Variants in GALNT17 observed in about 807,000 individuals in gnomAD.
GALNT17 encodes UDP-GalNAc:polypeptide N-acetylgalactosaminyltransferase-like 3.
In GALNT17, 29 loss-of-function variants were observed where a neutral mutation model predicts 63.7. That is an observed-to-expected ratio of 0.46 (90% CI 0.34 to 0.62). The LOEUF (loss-of-function observed/expected upper bound fraction) is 0.62. Ranked by LOEUF, GALNT17 falls within the 20% of genes least tolerant of loss-of-function variation. The pLI, the probability that GALNT17 is intolerant of heterozygous loss-of-function variation, is 0.01. For missense variants in GALNT17, 603 were observed against 799.6 expected (o/e 0.75, Z 2.97); for synonymous variants, 305 against 318.3 (o/e 0.96, Z 0.45).
In GALNT17 at chr7:71,521,142, G is replaced by A. The variant is rs186130097; in HGVS notation, c.963-50143G>A. 5.8e-4 allele frequency among the ~76,000 whole-genome samples: 89 copies of A among 152,272 alleles called. No homozygotes were observed. In the Middle Eastern group the frequency reaches 0.014, roughly 23 times the overall value. Reference sequence around the variant, plus strand: ...GTGTGTGCACATGCACATATGTTTGGTATTGGATGCTGCAATTCCAGCTTG... The same window carrying A: ...GTGTGTGCACATGCACATATGTTTGATATTGGATGCTGCAATTCCAGCTTG... On this transcript the variant is annotated intron_variant, in intron 5 of 10. Coordinates refer to ENST00000333538, the MANE Select transcript of GALNT17 (RefSeq NM_022479.3).
chr7:71,170,197 T>A (rs937790848), intron 1 of GALNT17, among the ~76,000 whole-genome samples: 3 of 152,230 alleles, frequency 2.0e-5, no homozygotes, highest in Admixed American at 6.5e-5. Flanking sequence ...GTGTAATGAA[T>A]GAATGAATGA....
Position 71,556,207 on chromosome 7 carries a change from G to A in GALNT17, c.963-15078G>A, listed in dbSNP as rs182283838. 3.3e-5 allele frequency among the ~76,000 whole-genome samples: 5 copies of A among 152,250 alleles called. No homozygotes were observed. In the East Asian group the frequency reaches 7.7e-4, roughly 24 times the overall value. The stretch of plus-strand genomic sequence containing the variant: ...TCTTACCTGAATCTCATTTGGTTCC[G>A]AGAACAATTGCTGTCACCTGACTGT... On this transcript the variant is annotated intron_variant, in intron 5 of 10. Coordinates refer to ENST00000333538, the MANE Select transcript of GALNT17 (RefSeq NM_022479.3).
chr7:71,144,810 C>G (rs1412919204), intron 1 of GALNT17, among the ~76,000 whole-genome samples: 1 of 152,038 alleles, frequency 6.6e-6, no homozygotes, highest in Non-Finnish European at 1.5e-5. Flanking sequence ...TTCACTGCAA[C>G]CTCTGCCTCC....
At chr7:71,700,339 T>C (rs926979072) in intron 9 of GALNT17, among the ~76,000 whole-genome samples, 1 of 151,936 alleles carries the variant, frequency 6.6e-6, no homozygotes, top group Non-Finnish European at 1.5e-5. Flanking sequence ...CTTAACTACT[T>C]AACTTGTATG....
At chr7:71,390,931 G>T (rs1186232853) in intron 3 of GALNT17, among the ~76,000 whole-genome samples, 1 of 152,216 alleles carries the variant, frequency 6.6e-6, no homozygotes, top group African/African-American at 2.4e-5. Flanking sequence ...GAGTTAACTT[G>T]CTCCAAGTGC....
At chr7:71,184,543 T>C (rs904602259) in intron 1 of GALNT17, among the ~76,000 whole-genome samples, 8 of 152,186 alleles carry the variant, frequency 5.3e-5, no homozygotes, top group African/African-American at 1.7e-4. Flanking sequence ...CCTTATCCTC[T>C]TAAGATAGGC....
intron 1 of GALNT17, among the ~76,000 whole-genome samples, chr7:71,240,272 T>G (rs975735540): frequency 7.2e-5 from 11 of 152,238 alleles, no homozygotes; most frequent in African/African-American, 2.4e-4. Flanking sequence ...TTTTCGTTGT[T>G]TTTAATTTCA....
At chr7:71,580,052 TG>T (rs1209404034) in intron 6 of GALNT17, among the ~76,000 whole-genome samples, 4 of 149,600 alleles carry the variant, frequency 2.7e-5, no homozygotes, top group African/African-American at 1.0e-4. Flanking sequence ...ATAGAGATGA[TG>T]GATAGAATGA....
At chr7:71,322,780 C>G (rs1791640340) in intron 1 of GALNT17, among the ~76,000 whole-genome samples, 1 of 152,154 alleles carries the variant, frequency 6.6e-6, no homozygotes, top group South Asian at 2.1e-4. Context: ...CTCCCTCTCT[C>G]TGTCATGTGA....
chr7:71,478,386 T>C (rs1229300248), intron 5 of GALNT17, among the ~76,000 whole-genome samples: 1 of 152,062 alleles, frequency 6.6e-6, no homozygotes, highest in Non-Finnish European at 1.5e-5. Flanking sequence ...TGATCATGGC[T>C]CACTGCAGCC....
intron 3 of GALNT17, among the ~76,000 whole-genome samples, chr7:71,391,786 C>T (rs1239410174): frequency 6.6e-6 from 1 of 152,156 alleles, no homozygotes; most frequent in Non-Finnish European, 1.5e-5. Flanking sequence ...CATGCCTGGC[C>T]TTGGGTGATT....
At chr7:71,699,751 TAGTG>T (rs1791602373) in intron 9 of GALNT17, among the ~76,000 whole-genome samples, 1 of 150,818 alleles carries the variant, frequency 6.6e-6, no homozygotes, top group Non-Finnish European at 1.5e-5. Context: ...CTGGGCAAAA[TAGTG>T]AGACCCTGTC....
intron 6 of GALNT17, among the ~76,000 whole-genome samples, chr7:71,644,361 C>G (rs1372290069): frequency 6.6e-6 from 1 of 151,140 alleles, no homozygotes; most frequent in South Asian, 2.1e-4. Context: ...ACGGTGAAAC[C>G]CCATCTCTAC....
chr7:71,682,567 C>T (rs1175254280), intron 9 of GALNT17, among the ~76,000 whole-genome samples: 1 of 128,436 alleles, frequency 7.8e-6, no homozygotes, highest in African/African-American at 2.5e-5. Context: ...TTTTTAGAGA[C>T]AAGGTCTTGC....
rs1200610343 is a variant in GALNT17 at position 71,496,524 on chromosome 7, G to C, written c.963-74761G>C. On this transcript the variant is annotated intron_variant, in intron 5 of 10. Transcript: ENST00000333538. ...CCCCTCTCCGCACAGACATCGTCCA[G>C]TGACATAGAAATGATCTCCGCCTTC... Among the ~76,000 whole-genome samples, 4 of 152,260 alleles carry C rather than the reference G, an allele frequency of 2.6e-5. No individual in the cohort carries two copies. In the East Asian group the frequency reaches 7.8e-4, roughly 30 times the overall value.
At chr7:71,329,113 C>T (rs1409453092) in intron 1 of GALNT17, among the ~76,000 whole-genome samples, 1 of 152,126 alleles carries the variant, frequency 6.6e-6, no homozygotes, top group Non-Finnish European at 1.5e-5. Context: ...GCCAACCCAA[C>T]CACACAGATT....
chr7:71,673,271 A>T lies in GALNT17; in HGVS notation c.1404+3162A>T, dbSNP rs573640492. On this transcript the variant is annotated intron_variant, in intron 8 of 10. Coordinates refer to ENST00000333538, the MANE Select transcript of GALNT17 (RefSeq NM_022479.3). ...GCTCAGACATGTTATTTTTGAGGAAATTTTTTTTTAATTTAACTTGGAGAT... is the reference window on the plus strand; with the variant it reads ...GCTCAGACATGTTATTTTTGAGGAATTTTTTTTTTAATTTAACTTGGAGAT... Among the ~76,000 whole-genome samples the T allele has an allele frequency of 4.6e-5, 7 of 151,992 alleles. No homozygotes were observed. The South Asian group carries it at 8.3e-4, about 18-fold the overall frequency.
chr7:71,547,037 G>T (rs959204879), intron 5 of GALNT17, among the ~76,000 whole-genome samples: 32 of 151,894 alleles, frequency 2.1e-4, no homozygotes, highest in Non-Finnish European at 2.9e-5. Flanking sequence ...TGTCGCCCAG[G>T]CTGGAGTGCA....
chr7:71,618,625 T>A (rs1446635369), intron 6 of GALNT17, among the ~76,000 whole-genome samples: 1 of 152,214 alleles, frequency 6.6e-6, no homozygotes, highest in South Asian at 2.1e-4. Flanking sequence ...TTGAGAAGTG[T>A]CTGGTCATGT....
Sources: allele counts gnomAD v4.1 joint callset (sites outside exome capture counted in the v4.1 genomes callset), GRCh38; gene constraint gnomAD v4.1.1; transcripts MANE v1.5; gene names NCBI Gene and HGNC (gene_info 2026-07-23, HGNC 2026-07-21).